The following IL16 variants were observed in gnomAD, a reference collection of about 807,000 sequenced individuals.
IL16 encodes the protein interleukin 16.
In IL16, 67 loss-of-function variants were observed where a neutral mutation model predicts 110.1. That is an observed-to-expected ratio of 0.61 (90% CI 0.50 to 0.75). IL16 has a LOEUF of 0.75. Ranked by LOEUF, IL16 falls within the 30% of genes least tolerant of loss-of-function variation. The pLI is 0.00. For synonymous variants in IL16, 689 were observed against 662.9 expected (o/e 1.04, Z -0.61); for missense variants, 1,545 against 1,655.0 (o/e 0.93, Z 1.15).
At chr15:81,254,438 T>C (rs1349873242) in intron 2 of IL16, among the ~76,000 whole-genome samples, 1 of 152,170 alleles carries the variant, frequency 6.6e-6, no homozygotes, top group Non-Finnish European at 1.5e-5. Flanking sequence ...TGGAGTTGAC[T>C]GTTTAGCCCT....
chr15:81,267,956 A>G (rs559350596), intron 4 of IL16, among the ~76,000 whole-genome samples: 1 of 152,378 alleles, frequency 6.6e-6, no homozygotes, highest in East Asian at 1.9e-4. Flanking sequence ...TTGACTAAAT[A>G]TATGGGCACC....
chr15:81,288,946 A>G (rs1202009967), intron 10 of IL16, among the ~76,000 whole-genome samples: 1 of 152,080 alleles, frequency 6.6e-6, no homozygotes, highest in Non-Finnish European at 1.5e-5. Context: ...ATGAACGTGG[A>G]GTACAGATTC....
At chr15:81,305,375 T>G (rs975505055) in intron 16 of IL16, among the ~76,000 whole-genome samples, 4 of 152,090 alleles carry the variant, frequency 2.6e-5, no homozygotes, top group African/African-American at 9.7e-5. Context: ...TTTAAAAAAT[T>G]TTTCTTGGCC....
chr15:81,240,032 A>G (rs982929656), intron 2 of IL16, among the ~76,000 whole-genome samples: 4 of 152,194 alleles, frequency 2.6e-5, no homozygotes, highest in African/African-American at 9.7e-5. Context: ...AGTCTCTACC[A>G]TCTTGTCCTG....
At position 81,311,562 on chromosome 15, in the gene IL16, C is replaced by T. The variant is rs1017312563; in HGVS notation, c.*2764C>T. On this transcript the variant is annotated 3_prime_UTR_variant, in exon 19 of 19. Coordinates refer to ENST00000683961, the MANE Select transcript of IL16 (RefSeq NM_172217.5). ...TCCCATAGGCCCAGTGAGATGCATT[C>T]TTGGTTGGCTGGCCTTCCACTTGGC... The T allele has an allele frequency of 1.3e-5, 2 of 152,270 alleles. No individual in the cohort carries two copies. Among genetic ancestry groups the T allele is most frequent in the South Asian group, 4.1e-4 (2 of 4,832 alleles). The allele number at this position is 152,270 out of a possible 1,614,324, so 9.4% of individuals were successfully genotyped here.
chr15:81,218,009 T>C (rs531972637), intron 1 of IL16, among the ~76,000 whole-genome samples: 2 of 152,240 alleles, frequency 1.3e-5, no homozygotes, highest in South Asian at 4.1e-4. Context: ...TTTACTAAGG[T>C]TCTAGAAACT....
At position 81,236,833 on chromosome 15, in the gene IL16, C is replaced by T. The variant is rs182660980; in HGVS notation, c.312+11122C>T. 2.5e-3 allele frequency among the ~76,000 whole-genome samples: 384 copies of T among 152,004 alleles called. 1 individual carries two copies. Among genetic ancestry groups the T allele is most frequent in the African/African-American group, 8.9e-3 (369 of 41,438 alleles). On this transcript the variant is annotated intron_variant, in intron 2 of 18. Transcript: ENST00000683961. ...TTAGCCAGGCCTGGTGGTGGGTGCC[C>T]GTAATCCCAGCTACTCAGGAGGCTG...
At chr15:81,263,631 C>T (rs1281916273) in intron 3 of IL16, among the ~76,000 whole-genome samples, 1 of 152,164 alleles carries the variant, frequency 6.6e-6, no homozygotes, top group Non-Finnish European at 1.5e-5. Context: ...AACTGGAACC[C>T]CCACACAAGT....
rs1286925093 is a variant in IL16 at position 81,309,439 on chromosome 15, C to T, written c.*641C>T. ...ATGAGCATCCCAGGATCGCAAGAGC[C>T]ATGTAGAAGCTGCATCTTGTTTATA... On this transcript the variant is annotated 3_prime_UTR_variant, in exon 19 of 19. Coordinates refer to ENST00000683961, the MANE Select transcript of IL16 (RefSeq NM_172217.5). The T allele has an allele frequency of 6.5e-6, 1 of 152,782 alleles. No homozygotes were observed. Among genetic ancestry groups the T allele is most frequent in the Non-Finnish European group, 1.5e-5 (1 of 68,438 alleles). 9.5% of individuals were successfully genotyped at this position (152,782 alleles called of 1,614,324 possible). A position where few individuals can be genotyped will look rare whatever the true frequency, so the allele number is the denominator to read the frequency against.
intron 1 of IL16, 129 bp downstream of exon 1, chr15:81,197,281 C>A: frequency 4.0e-6 from 2 of 504,108 alleles, no homozygotes; most frequent in Non-Finnish European, 6.4e-6. Flanking sequence ...GGAAGTGGTG[C>A]TGGGGTCAGG....
intron 9 of IL16, among the ~76,000 whole-genome samples, chr15:81,285,124 C>G (rs980579891): frequency 7.2e-5 from 11 of 152,046 alleles, no homozygotes; most frequent in African/African-American, 2.4e-4. Flanking sequence ...TCCCTTCCCA[C>G]CTCACAACTA....
chr15:81,266,792 A>AG (rs1159832070), intron 4 of IL16, among the ~76,000 whole-genome samples: 1 of 152,190 alleles, frequency 6.6e-6, no homozygotes, highest in Non-Finnish European at 1.5e-5. Flanking sequence ...GTGCTCACCC[A>AG]GCCTGTCTTG....
chr15:81,306,743 C>G (rs113774277), intron 18 of IL16, 198 bp downstream of exon 18: 12 of 674,584 alleles, frequency 1.8e-5, no homozygotes, highest in African/African-American at 7.1e-5. Flanking sequence ...CTCAATCCCC[C>G]CTCTGTTTTG....
intron 5 of IL16, among the ~76,000 whole-genome samples, chr15:81,272,441 T>G (rs1357071622): frequency 1.3e-5 from 2 of 152,202 alleles, no homozygotes; most frequent in Non-Finnish European, 2.9e-5. Flanking sequence ...AACTATCTGC[T>G]GAGCTATGAG....
intron 2 of IL16, among the ~76,000 whole-genome samples, chr15:81,232,470 G>GT (rs920349535): frequency 1.1e-4 from 17 of 152,014 alleles, no homozygotes; most frequent in African/African-American, 3.6e-4. Flanking sequence ...GTTTGTTGTA[G>GT]TTTTTTTGTA....
rs1567047077 is a variant in IL16, at chr15:81,303,329, C to G, written c.3319-220C>G. 2 of 529,470 alleles carry G rather than the reference C, an allele frequency of 3.8e-6. No homozygotes were observed. Among genetic ancestry groups the G allele is most frequent in the Non-Finnish European group, 3.4e-6 (1 of 296,534 alleles). The allele number at this position is 529,470 out of a possible 1,614,324, so 32.8% of individuals were successfully genotyped here. ...TGAATGAGAGAGGAAAATAATTATG[C>G]TTGCTGCTTTACATACATTTTTTTT... On this transcript the variant is annotated intron_variant, in intron 15 of 18. Transcript: ENST00000683961. The surrounding 1 kb of genome is among the most constrained non-coding windows in gnomAD (Gnocchi z 4.1).
intron 1 of IL16, among the ~76,000 whole-genome samples, chr15:81,190,575 C>A (rs1895483517): frequency 6.6e-6 from 1 of 152,182 alleles, no homozygotes; most frequent in South Asian, 2.1e-4. Flanking sequence ...ATGGTACCAA[C>A]CCTCCAAGTG....
At chr15:81,264,079 A>T (rs913483342) in intron 3 of IL16, among the ~76,000 whole-genome samples, 7 of 152,186 alleles carry the variant, frequency 4.6e-5, no homozygotes, top group African/African-American at 1.7e-4. Context: ...CCTTTCTATT[A>T]AACACTCCGG....
At chr15:81,200,052 A>T (rs1844281903) in intron 1 of IL16, among the ~76,000 whole-genome samples, 1 of 152,188 alleles carries the variant, frequency 6.6e-6, no homozygotes, top group Admixed American at 6.5e-5. Context: ...GTGGATTGAA[A>T]ATCAACTTAG....
Sources: allele counts gnomAD v4.1 joint callset (sites outside exome capture counted in the v4.1 genomes callset), GRCh38; gene constraint gnomAD v4.1.1; non-coding constraint Gnocchi (gnomAD v3.1); transcripts MANE v1.5; gene names NCBI Gene and HGNC (gene_info 2026-07-23, HGNC 2026-07-21).